The following NETO1 variants were observed in gnomAD, a reference collection of about 807,000 sequenced individuals.
NETO1 encodes the protein neuropilin and tolloid-like protein 1.
Under a neutral mutation model 61.3 loss-of-function variants are expected in NETO1, and 26 were observed. The ratio of observed to expected loss-of-function variants is 0.42; its 90% CI spans 0.31 to 0.59. NETO1 has a LOEUF of 0.59. NETO1 is among the 20% of genes least tolerant of loss of function. The pLI, the probability that NETO1 is intolerant of heterozygous loss-of-function variation, is 0.12. For missense variants in NETO1, 531 were observed against 662.8 expected (o/e 0.80, Z 2.18); for synonymous variants, 225 against 225.8 (o/e 1.00, Z 0.03).
intron 7 of NETO1, among the ~76,000 whole-genome samples, chr18:72,758,039 A>G (rs894136488): frequency 5.7e-5 from 8 of 139,212 alleles, no homozygotes; most frequent in African/African-American, 1.6e-4. Context: ...AATTATTATA[A>G]TTATTAAATA....
intron 1 of NETO1, chr18:72,866,766 T>C (rs1345740581): frequency 1.4e-5 from 14 of 991,690 alleles, no homozygotes; most frequent in Middle Eastern, 5.1e-4. Context: ...ACATCAGCGG[T>C]CTCCAGGGCG....
In NETO1 at chr18:72,835,114, C is replaced by T. The variant is rs151013769; in HGVS notation, c.469+23712G>A. ...GGTAGGAGTTCTAATTTACTAAGTC[C>T]GAATATGTGGCAAACTTTCTCCAGA... On this transcript the variant is annotated intron_variant, in intron 4 of 10. Coordinates refer to ENST00000327305, the MANE Select transcript of NETO1 (RefSeq NM_138966.5). 1.4e-5 allele frequency: 17 copies of T among 1,184,812 alleles called. No individual in the cohort carries two copies. In the East Asian group the frequency reaches 2.6e-4, roughly 18 times the overall value. The allele number at this position is 1,184,812 out of a possible 1,614,324, so 73.4% of individuals were successfully genotyped here.
chr18:72,830,714 A>G lies in NETO1; in HGVS notation c.469+28112T>C, dbSNP rs899138639. Among the ~76,000 whole-genome samples the G allele has an allele frequency of 2.0e-5, 3 of 152,310 alleles. No homozygotes were observed. Among genetic ancestry groups the G allele is most frequent in the East Asian group, 3.9e-4 (2 of 5,168 alleles). On this transcript the variant is annotated intron_variant, in intron 4 of 10. Transcript: ENST00000327305. The surrounding 1 kb of genome is among the most constrained non-coding windows in gnomAD (Gnocchi z 4.9). ...ACTGAGTCTTGCATAAAGCAACAAA[A>G]GATGAATTTTAACCACCTCCACTTT...
chr18:72,772,778 C>T (rs200859573), intron 7 of NETO1, among the ~76,000 whole-genome samples: 35 of 62,674 alleles, frequency 5.6e-4, no homozygotes, highest in Non-Finnish European at 7.2e-4. Flanking sequence ...TATATATATA[C>T]AGATCTCTAT....
At chr18:72,805,812 A>T (rs1458158614) in intron 4 of NETO1, among the ~76,000 whole-genome samples, 1 of 152,210 alleles carries the variant, frequency 6.6e-6, no homozygotes, top group Non-Finnish European at 1.5e-5. Flanking sequence ...AACCTAAAGC[A>T]ATTTTATATA....
At chr18:72,794,712 G>T (rs2072253218) in intron 4 of NETO1, among the ~76,000 whole-genome samples, 1 of 151,964 alleles carries the variant, frequency 6.6e-6, no homozygotes, top group Admixed American at 6.5e-5. Flanking sequence ...TAACTCCATA[G>T]GTAGAATAAT....
chr18:72,823,199 G>A (rs1270701396), intron 4 of NETO1, among the ~76,000 whole-genome samples: 1 of 152,132 alleles, frequency 6.6e-6, no homozygotes, highest in Non-Finnish European at 1.5e-5. Flanking sequence ...TACTGAGGAT[G>A]CAATATTTAA....
chr18:72,860,453 T>C (rs559632094), intron 3 of NETO1, among the ~76,000 whole-genome samples: 39 of 152,320 alleles, frequency 2.6e-4, no homozygotes, highest in African/African-American at 9.4e-4. Context: ...AGACACACAG[T>C]ATAACTTGGA....
At chr18:72,857,619 T>C (rs1220063068) in intron 4 of NETO1, among the ~76,000 whole-genome samples, 1 of 152,146 alleles carries the variant, frequency 6.6e-6, no homozygotes, top group Non-Finnish European at 1.5e-5. Context: ...ATACCTACCT[T>C]CCCATTTACA....
chr18:72,795,014 C>T (rs1306305590), intron 4 of NETO1, among the ~76,000 whole-genome samples: 1 of 152,198 alleles, frequency 6.6e-6, no homozygotes, highest in African/African-American at 2.4e-5. Context: ...AAGCATTCCT[C>T]AGTATTCTAG....
chr18:72,830,170 G>A lies in NETO1; in HGVS notation c.469+28656C>T, dbSNP rs1208921943. ...TCATCATAGAGGATCATGCATGTAA[G>A]CCGTCCACAGCATAGAGGAAGCGGC... is the stretch of plus-strand genomic sequence containing the variant. On this transcript the variant is annotated intron_variant, in intron 4 of 10. Transcript: ENST00000327305. This position sits in a 1 kb window ranked among gnomAD's most constrained non-coding sequence, Gnocchi z 4.9. Among the ~76,000 whole-genome samples the A allele has an allele frequency of 6.6e-6, 1 of 152,082 alleles. No individual in the cohort carries two copies. The highest frequency in any genetic ancestry group is 1.5e-5 in the Non-Finnish European group (1 of 68,024).
At chr18:72,779,752 A>G (rs2071675139) in intron 7 of NETO1, among the ~76,000 whole-genome samples, 1 of 152,204 alleles carries the variant, frequency 6.6e-6, no homozygotes, top group Admixed American at 6.5e-5. Context: ...AAACATTATG[A>G]CAAATATACA....
chr18:72,754,701 G>A (rs1031510797), intron 8 of NETO1, among the ~76,000 whole-genome samples: 3 of 151,918 alleles, frequency 2.0e-5, no homozygotes, highest in African/African-American at 7.3e-5. Flanking sequence ...AGTGAAGAGA[G>A]AAGTAGACAA....
intron 4 of NETO1, among the ~76,000 whole-genome samples, chr18:72,841,725 C>T (rs1465557454): frequency 4.7e-4 from 28 of 59,074 alleles, no homozygotes; most frequent in Non-Finnish European, 8.3e-4. Context: ...CAGAGTGAGA[C>T]TCTACCTCAA....
At position 72,865,227 on chromosome 18, in the gene NETO1, T is replaced by C. The variant is rs1457094625; in HGVS notation, c.43A>G (p.Ile15Val). 1.2e-6 allele frequency: 2 copies of C among 1,612,962 alleles called. No homozygotes were observed. Among genetic ancestry groups the C allele is most frequent in the South Asian group, 1.1e-5 (1 of 90,898 alleles). ...GTTGCCCCAGACAAATGGAGGATGA[T>C]TAAACTTGCTACAACTGAAACAGAA... The part of the protein sequence containing the change: ...RSVLHIVASL[I>V]ILHLSGATKK... The change falls in exon 2 of 11, where the codon ATC (isoleucine) becomes GTC (valine). Residue 15 changes from isoleucine to valine, a missense_variant. Transcript: ENST00000327305.
chr18:72,816,294 T>C (rs1307482673), intron 4 of NETO1, among the ~76,000 whole-genome samples: 1 of 152,168 alleles, frequency 6.6e-6, no homozygotes, highest in East Asian at 1.9e-4. Flanking sequence ...ACTTCTCAAC[T>C]AGGTTTGAAA....
chr18:72,837,611 T>C (rs2073791951), intron 4 of NETO1, among the ~76,000 whole-genome samples: 1 of 152,226 alleles, frequency 6.6e-6, no homozygotes, highest in Non-Finnish European at 1.5e-5. Flanking sequence ...TTCTATTTTC[T>C]TAATTATAAT....
chr18:72,794,065 T>C (rs2145281025), intron 6 of NETO1, 52 bp downstream of exon 6: 4 of 1,611,672 alleles, frequency 2.5e-6, no homozygotes, highest in Non-Finnish European at 3.4e-6. Context: ...ATGCTTGTTA[T>C]AGACACTTCT....
intron 8 of NETO1, among the ~76,000 whole-genome samples, chr18:72,750,999 C>T (rs1164767129): frequency 7.2e-6 from 1 of 138,894 alleles, no homozygotes; most frequent in Non-Finnish European, 1.5e-5. Context: ...AATACACTGA[C>T]CAGTCTTAAA....
Sources: gnomAD v4.1 joint callset for allele counts (sites outside exome capture counted in the v4.1 genomes callset) on GRCh38, gnomAD v4.1.1 for gene constraint, Gnocchi (gnomAD v3.1) non-coding constraint, MANE v1.5 for transcripts, NCBI Gene and HGNC (gene_info 2026-07-23, HGNC 2026-07-21) for gene names.